LRRTM4: variants seen among roughly 807,000 people sequenced by gnomAD.
The protein encoded by LRRTM4 is leucine-rich repeat transmembrane neuronal protein 4.
In LRRTM4, 25 loss-of-function variants were observed where a neutral mutation model predicts 47.6. The observed-to-expected ratio is 0.53, with a 90% CI of 0.38 to 0.73. The LOEUF is 0.73. Ranked by LOEUF, LRRTM4 falls within the 30% of genes least tolerant of loss-of-function variation. The pLI, the probability that LRRTM4 is intolerant of heterozygous loss-of-function variation, is 0.00. For synonymous variants in LRRTM4, 311 were observed against 269.5 expected, an observed-to-expected ratio of 1.15 and a Z score of -1.51; for missense variants, 638 against 713.4, an observed-to-expected ratio of 0.89 and a Z score of 1.20.
At chr2:76,769,929 A>G (rs1018846826) in intron 3 of LRRTM4, among the ~76,000 whole-genome samples, 1 of 152,212 alleles carries the variant, frequency 6.6e-6, no homozygotes, top group Admixed American at 6.5e-5. Context: ...AGCATCAACT[A>G]TAAACTTCTT....
At chr2:76,755,854 A>G (rs1673010447) in intron 3 of LRRTM4, among the ~76,000 whole-genome samples, 1 of 152,142 alleles carries the variant, frequency 6.6e-6, no homozygotes, top group South Asian at 2.1e-4. Flanking sequence ...AACTGACTGA[A>G]CAGACCTTCT....
At chr2:76,813,468 A>G (rs1329998141) in intron 3 of LRRTM4, among the ~76,000 whole-genome samples, 1 of 152,198 alleles carries the variant, frequency 6.6e-6, no homozygotes, top group African/African-American at 2.4e-5. Flanking sequence ...CCCAAGACAC[A>G]GAGTATAAAA....
chr2:77,115,302 C>G (rs1436179029), intron 3 of LRRTM4, among the ~76,000 whole-genome samples: 1 of 152,112 alleles, frequency 6.6e-6, no homozygotes, highest in Non-Finnish European at 1.5e-5. Context: ...CGCTGTTATC[C>G]TGTTCTTTTT....
chr2:76,955,462 T>A (rs185092718), intron 3 of LRRTM4, among the ~76,000 whole-genome samples: 13 of 151,428 alleles, frequency 8.6e-5, no homozygotes, highest in Non-Finnish European at 1.9e-4. Flanking sequence ...ACATAAGATA[T>A]GAAAAATAAA....
At chr2:76,805,124 A>T (rs1675904538) in intron 3 of LRRTM4, among the ~76,000 whole-genome samples, 2 of 152,294 alleles carry the variant, frequency 1.3e-5, no homozygotes, top group Middle Eastern at 3.4e-3. Flanking sequence ...TCATGGAGAC[A>T]GGAATCAAGG....
At chr2:76,783,035 C>G (rs1025881066) in intron 3 of LRRTM4, among the ~76,000 whole-genome samples, 1 of 152,068 alleles carries the variant, frequency 6.6e-6, no homozygotes, top group South Asian at 2.1e-4. Context: ...GCTGAACACA[C>G]ACACCTTAGA....
chr2:76,840,499 T>C (rs1353155087), intron 3 of LRRTM4, among the ~76,000 whole-genome samples: 1 of 152,146 alleles, frequency 6.6e-6, no homozygotes, highest in Admixed American at 6.6e-5. Flanking sequence ...TGCCAGTAAA[T>C]AGAAAAGGTT....
At chr2:76,947,355 C>A (rs562890340) in intron 3 of LRRTM4, among the ~76,000 whole-genome samples, 1 of 151,888 alleles carries the variant, frequency 6.6e-6, no homozygotes, top group South Asian at 2.1e-4. Context: ...GGCTGCATAA[C>A]TTCTCTAGAA....
At chr2:76,913,250 A>T (rs140187886) in intron 3 of LRRTM4, among the ~76,000 whole-genome samples, 1 of 152,140 alleles carries the variant, frequency 6.6e-6, no homozygotes, top group Admixed American at 6.5e-5. Context: ...GAAACACGAA[A>T]ATTTAGCAAT....
chr2:76,941,569 G>T (rs968583212), intron 3 of LRRTM4, among the ~76,000 whole-genome samples: 17 of 151,696 alleles, frequency 1.1e-4, no homozygotes, highest in African/African-American at 2.7e-4. Flanking sequence ...GCGATTTTTG[G>T]TTTTTTGTTC....
At position 77,509,251 on chromosome 2, in the gene LRRTM4, AAAAC is replaced by A. The variant is rs1052416363; in HGVS notation, c.1551+9063_1551+9066del. Among the ~76,000 whole-genome samples the A allele has an allele frequency of 1.3e-4, 20 of 149,878 alleles. No individual in the cohort carries two copies. The East Asian group carries it at 2.0e-3, about 15-fold the overall frequency. ...TGTATCAAAAAAAAAAAAAAAGCCA[AAAAC>A]AAACAAACAAACTGTTTCTGCTTAT... On this transcript the variant is annotated intron_variant, in intron 3 of 3. Transcript: ENST00000409884.
intron 3 of LRRTM4, among the ~76,000 whole-genome samples, chr2:76,913,935 G>T (rs77094611): frequency 0.063 from 9,615 of 152,026 alleles, 377 homozygotes; most frequent in Non-Finnish European, 0.099. Context: ...GCATATGCTA[G>T]ACTTTTGCAC....
chr2:77,298,429 G>T (rs1310247779), intron 3 of LRRTM4, among the ~76,000 whole-genome samples: 1 of 152,040 alleles, frequency 6.6e-6, no homozygotes, highest in Non-Finnish European at 1.5e-5. Flanking sequence ...GTGGAGACGG[G>T]GTGTTCACCG....
intron 3 of LRRTM4, among the ~76,000 whole-genome samples, chr2:77,260,376 TG>T: frequency 1.2e-5 from 1 of 84,552 alleles, no homozygotes; most frequent in Non-Finnish European, 2.5e-5. Flanking sequence ...CAAAAAATCG[TG>T]TGTGTGTGTG....
At chr2:76,801,247 A>G (rs1232969129) in intron 3 of LRRTM4, among the ~76,000 whole-genome samples, 10 of 152,142 alleles carry the variant, frequency 6.6e-5, no homozygotes, top group African/African-American at 1.9e-4. Context: ...CACAATAGCA[A>G]AGACTTGGAA....
intron 3 of LRRTM4, among the ~76,000 whole-genome samples, chr2:77,105,191 C>A (rs1671062947): frequency 6.6e-6 from 1 of 152,032 alleles, no homozygotes; most frequent in African/African-American, 2.4e-5. Context: ...AAAACACCAA[C>A]AACAAACCTT....
chr2:76,865,972 CAT>C (rs1264730407), intron 3 of LRRTM4, among the ~76,000 whole-genome samples: 5 of 152,060 alleles, frequency 3.3e-5, no homozygotes, highest in African/African-American at 9.7e-5. Flanking sequence ...TAAGAAAACA[CAT>C]GTTACTATCA....
At chr2:77,059,623 C>T (rs1679720761) in intron 3 of LRRTM4, among the ~76,000 whole-genome samples, 1 of 152,084 alleles carries the variant, frequency 6.6e-6, no homozygotes, top group African/African-American at 2.4e-5. Context: ...ATTCCTTAAA[C>T]CTGAACAACA....
rs1170798875 is a variant in LRRTM4 at position 77,192,737 on chromosome 2, T to G, written c.1551+325581A>C. On this transcript the variant is annotated intron_variant, in intron 3 of 3. Transcript: ENST00000409884. ...TTTTACTGAATTTGGATGGCATTAG[T>G]ATTGTGTGTCCAGATGTGATCTTAA... Among the ~76,000 whole-genome samples the G allele has an allele frequency of 3.3e-5, 5 of 152,306 alleles. No individual in the cohort carries two copies. In the East Asian group the frequency reaches 9.6e-4, roughly 29 times the overall value.
Sources: gnomAD v4.1 joint callset for allele counts (sites outside exome capture counted in the v4.1 genomes callset) on GRCh38, gnomAD v4.1.1 for gene constraint, MANE v1.5 for transcripts, NCBI Gene and HGNC (gene_info 2026-07-23, HGNC 2026-07-21) for gene names.